Variants in CACNA1E observed in about 807,000 individuals in gnomAD.
CACNA1E encodes calcium voltage-gated channel subunit alpha1 E.
In CACNA1E, 40 loss-of-function variants were observed where a neutral mutation model predicts 259.2. The observed-to-expected ratio is 0.15, with a 90% CI of 0.12 to 0.20. The LOEUF (loss-of-function observed/expected upper bound fraction) is 0.20, where lower values mean the gene tolerates loss of function less well. CACNA1E is among the 10% of genes least tolerant of loss of function. CACNA1E has a pLI of 1.00. For synonymous variants in CACNA1E, 1,104 were observed against 1,138.5 expected, an observed-to-expected ratio of 0.97 and a Z score of 0.61; for missense variants, 1,874 against 3,040.1, an observed-to-expected ratio of 0.62 and a Z score of 9.02.
intron 6 of CACNA1E, among the ~76,000 whole-genome samples, chr1:181,589,940 G>T (rs1298520224): frequency 6.6e-6 from 1 of 152,132 alleles, no homozygotes; most frequent in East Asian, 1.9e-4. Context: ...AAACTGACTT[G>T]AAAGTTAGTT....
intron 6 of CACNA1E, among the ~76,000 whole-genome samples, chr1:181,650,737 G>A (rs1658680425): frequency 6.6e-6 from 1 of 152,230 alleles, no homozygotes; most frequent in Admixed American, 6.5e-5. Context: ...TAACATTAGA[G>A]TGCAAGTGAT....
chr1:181,372,644 A>G (rs1654782285), intron 1 of CACNA1E, among the ~76,000 whole-genome samples: 1 of 151,936 alleles, frequency 6.6e-6, no homozygotes, highest in Non-Finnish European at 1.5e-5. Flanking sequence ...ATTGAGTAGG[A>G]GTGGCAAGAG....
intron 43 of CACNA1E, among the ~76,000 whole-genome samples, chr1:181,786,368 G>T (rs1411424758): frequency 6.6e-6 from 1 of 152,160 alleles, no homozygotes; most frequent in Non-Finnish European, 1.5e-5. Flanking sequence ...GAAGAAACTG[G>T]AGACTAACTG....
intron 5 of CACNA1E, among the ~76,000 whole-genome samples, chr1:181,579,880 G>A (rs1221448129): frequency 2.6e-5 from 4 of 152,264 alleles, no homozygotes; most frequent in African/African-American, 4.8e-5. Flanking sequence ...TGACCCACAC[G>A]TGGTATGGAA....
Position 181,802,628 on chromosome 1 carries a change from T to C in CACNA1E, c.*3794T>C, listed in dbSNP as rs1239800037. 6.6e-6 allele frequency: 1 copy of C among 152,160 alleles called. No homozygotes were observed. 9.4% of individuals were successfully genotyped at this position (152,160 alleles called of 1,614,324 possible). A position where few individuals can be genotyped will look rare whatever the true frequency, so the allele number is the denominator to read the frequency against. ...GGGGGAATATTGCATTCTAATGAAATAGGGTTTGGAACTCACCTGGTGCTC... is the reference window on the plus strand; with the variant it reads ...GGGGGAATATTGCATTCTAATGAAACAGGGTTTGGAACTCACCTGGTGCTC... On this transcript the variant is annotated 3_prime_UTR_variant, in exon 48 of 48. Coordinates refer to ENST00000367573, the MANE Select transcript of CACNA1E (RefSeq NM_001205293.3).
Position 181,685,451 on chromosome 1 carries a change from A to G in CACNA1E, c.1056-25503A>G, listed in dbSNP as rs371002973. ...CTTCTGCCAGTAACAGTTTCATTGC[A>G]CAATCTTCCTTACTGGAGGTCAGTC... On this transcript the variant is annotated intron_variant, in intron 7 of 47. Coordinates refer to ENST00000367573, the MANE Select transcript of CACNA1E (RefSeq NM_001205293.3). Among the ~76,000 whole-genome samples, 20 of 152,230 alleles carry G rather than the reference A, an allele frequency of 1.3e-4. 2 individuals carry two copies. The highest frequency in any genetic ancestry group is 2.9e-4 in the African/African-American group (12 of 41,538).
At position 181,732,181 on chromosome 1, in the gene CACNA1E, T is replaced by C. The variant is rs1349281313; in HGVS notation, c.2298-203T>C. Among the ~76,000 whole-genome samples the C allele has an allele frequency of 1.3e-5, 2 of 152,102 alleles. No individual in the cohort carries two copies. The highest frequency in any genetic ancestry group is 2.9e-5 in the Non-Finnish European group (2 of 68,010). ...AGCAGGGATTGGAGCAGAAAGTACC[T>C]GGGCTGGGAGGCACCTGCCTGATGA... On this transcript the variant is annotated intron_variant, in intron 19 of 47. Coordinates refer to ENST00000367573, the MANE Select transcript of CACNA1E (RefSeq NM_001205293.3). This position sits in a 1 kb window ranked among gnomAD's most constrained non-coding sequence, Gnocchi z 5.5.
intron 7 of CACNA1E, among the ~76,000 whole-genome samples, chr1:181,663,501 G>A (rs1468687598): frequency 1.3e-5 from 2 of 152,174 alleles, no homozygotes; most frequent in African/African-American, 4.8e-5. Flanking sequence ...TGATATCTTA[G>A]TGCCTTGTTT....
At chr1:181,402,883 C>G (rs958482278) in intron 1 of CACNA1E, among the ~76,000 whole-genome samples, 2 of 152,200 alleles carry the variant, frequency 1.3e-5, no homozygotes, top group African/African-American at 2.4e-5. Context: ...ATTTTGAATT[C>G]TAGGTACAGT....
intron 6 of CACNA1E, among the ~76,000 whole-genome samples, chr1:181,601,977 A>G (rs1052974596): frequency 6.6e-6 from 1 of 151,946 alleles, no homozygotes; most frequent in Non-Finnish European, 1.5e-5. Flanking sequence ...CCTTGCTAAC[A>G]TGGGTCTTGC....
rs1654426223 is a variant in CACNA1E at position 181,721,653 on chromosome 1, AG to A, written c.1957-100del. 10 of 571,942 alleles carry A rather than the reference AG, an allele frequency of 1.7e-5. No homozygotes were observed. The Admixed American group carries it at 2.8e-4, about 16-fold the overall frequency. 35.4% of individuals were successfully genotyped at this position (571,942 alleles called of 1,614,324 possible). A position where few individuals can be genotyped will look rare whatever the true frequency, so the allele number is the denominator to read the frequency against. On this transcript the variant is annotated intron_variant, in intron 15 of 47. Transcript: ENST00000367573. ...AACTCCCTGGCAAGATTGTCAAGCAAGGGGGTAGATGCAAAAGACCCAGGCC... is the reference window on the plus strand; with the variant it reads ...AACTCCCTGGCAAGATTGTCAAGCAAGGGGTAGATGCAAAAGACCCAGGCC...
Position 181,805,054 on chromosome 1 carries a change from T to TC in CACNA1E, c.*6222dup, listed in dbSNP as rs1662537522. ...CATAGATTGTCACCCAGACATATTC[T>TC]CCAACCCAGCATTGGAAATCTGAAC... On this transcript the variant is annotated 3_prime_UTR_variant, in exon 48 of 48. Transcript: ENST00000367573. 6.6e-6 allele frequency: 1 copy of TC among 152,022 alleles called. No individual in the cohort carries two copies. The highest frequency in any genetic ancestry group is 1.5e-5 in the Non-Finnish European group (1 of 67,986). The allele number at this position is 152,022 out of a possible 1,614,324, so 9.4% of individuals were successfully genotyped here. A position where few individuals can be genotyped will look rare whatever the true frequency, so the allele number is the denominator to read the frequency against.
At chr1:181,771,443 G>C in intron 36 of CACNA1E, 59 bp downstream of exon 36, 3 of 882,668 alleles carry the variant, frequency 3.4e-6, no homozygotes, top group Non-Finnish European at 5.6e-6. Flanking sequence ...GAGAGAGTTT[G>C]TCTGCCTCTT....
chr1:181,593,550 TC>T (rs1652866552), intron 6 of CACNA1E, among the ~76,000 whole-genome samples: 1 of 152,194 alleles, frequency 6.6e-6, no homozygotes, highest in South Asian at 2.1e-4. Context: ...GAACTTTTTT[TC>T]TTTTTGAGGT....
intron 7 of CACNA1E, among the ~76,000 whole-genome samples, chr1:181,705,570 C>T (rs916241943): frequency 6.6e-6 from 1 of 152,204 alleles, no homozygotes; most frequent in Non-Finnish European, 1.5e-5. Context: ...CTCCAATTCA[C>T]CTTACTTCCC....
chr1:181,440,781 A>T (rs1660409144), intron 2 of CACNA1E, among the ~76,000 whole-genome samples: 1 of 151,886 alleles, frequency 6.6e-6, no homozygotes, highest in South Asian at 2.1e-4. Context: ...CAGGAGTTCG[A>T]CACCAGCCTG....
At chr1:181,684,638 T>G (rs1650326448) in intron 7 of CACNA1E, among the ~76,000 whole-genome samples, 1 of 152,164 alleles carries the variant, frequency 6.6e-6, no homozygotes, top group Non-Finnish European at 1.5e-5. Context: ...TTAATCCATT[T>G]TGAGTTGTTT....
At chr1:181,504,824 G>A (rs984367329) in intron 1 of CACNA1E, among the ~76,000 whole-genome samples, 3 of 152,212 alleles carry the variant, frequency 2.0e-5, no homozygotes, top group African/African-American at 7.2e-5. Context: ...AAATCAATAA[G>A]TGAACCTATT....
chr1:181,802,722 C>G lies in CACNA1E; in HGVS notation c.*3888C>G, dbSNP rs545169067. 9 of 152,296 alleles carry G rather than the reference C, an allele frequency of 5.9e-5. No individual in the cohort carries two copies. The highest frequency in any genetic ancestry group is 1.9e-4 in the African/African-American group (8 of 41,560). 9.4% of individuals were successfully genotyped at this position (152,296 alleles called of 1,614,324 possible). A position where few individuals can be genotyped will look rare whatever the true frequency, so the allele number is the denominator to read the frequency against. On this transcript the variant is annotated 3_prime_UTR_variant, in exon 48 of 48. Transcript: ENST00000367573. ...AAAATGCCCACCTACTGGATAAAAG[C>G]TCACTGCAGGAAAATGAGGTCTCCT...
Sources: gnomAD v4.1 joint callset for allele counts (sites outside exome capture counted in the v4.1 genomes callset) on GRCh38, gnomAD v4.1.1 for gene constraint, Gnocchi (gnomAD v3.1) non-coding constraint, MANE v1.5 for transcripts, NCBI Gene and HGNC (gene_info 2026-07-23, HGNC 2026-07-21) for gene names.